Variants in TMEFF1 observed in about 807,000 individuals in gnomAD.
The protein encoded by TMEFF1 is tomoregulin-1.
In TMEFF1, 20 loss-of-function variants were observed where a neutral mutation model predicts 47.5. That is an observed-to-expected ratio of 0.42 (90% CI 0.30 to 0.61). The LOEUF (loss-of-function observed/expected upper bound fraction) is 0.61. Ranked by LOEUF, TMEFF1 falls within the 20% of genes least tolerant of loss-of-function variation. The pLI is 0.19. For missense variants in TMEFF1, 411 were observed against 471.1 expected (o/e 0.87, Z 1.18); for synonymous variants, 162 against 166.3 (o/e 0.97, Z 0.20).
chr9:100,547,701 A>AT, intron 5 of TMEFF1, 43 bp from the exon 6 acceptor site: 1 of 1,428,180 alleles, frequency 7.0e-7, no homozygotes. Context: ...ATTGTGAAAT[A>AT]TTTTTGTTGT....
intron 5 of TMEFF1, among the ~76,000 whole-genome samples, chr9:100,535,241 A>C (rs1350684955): frequency 6.6e-6 from 1 of 151,708 alleles, no homozygotes; most frequent in Non-Finnish European, 1.5e-5. Flanking sequence ...ATTTTTCATT[A>C]CTTCTTCATT....
intron 8 of TMEFF1, among the ~76,000 whole-genome samples, chr9:100,568,303 GT>G (rs1839163742): frequency 6.6e-6 from 1 of 152,152 alleles, no homozygotes; most frequent in Non-Finnish European, 1.5e-5. Context: ...TTATGGAACT[GT>G]TTTTATATTA....
intron 4 of TMEFF1, among the ~76,000 whole-genome samples, chr9:100,515,078 A>G (rs970749900): frequency 1.5e-4 from 23 of 152,110 alleles, no homozygotes; most frequent in African/African-American, 5.6e-4. Flanking sequence ...AAGCGGGAGG[A>G]TTGCTTGAGC....
chr9:100,479,059 G>T (rs570966632), intron 1 of TMEFF1, among the ~76,000 whole-genome samples: 1 of 152,318 alleles, frequency 6.6e-6, no homozygotes, highest in Non-Finnish European at 1.5e-5. Flanking sequence ...TGCCTTATTT[G>T]TGGCAATTCA....
rs774991907 is a variant in TMEFF1 at position 100,572,556 on chromosome 9, C to T, written c.938C>T (p.Thr313Ile). The T allele has an allele frequency of 6.2e-7, 1 of 1,612,906 alleles. No individual in the cohort carries two copies. Among genetic ancestry groups the T allele is most frequent in the Non-Finnish European group, 8.5e-7 (1 of 1,179,440 alleles). ...SGYTGQHCEKTDFSILYVVPS... is the reference protein window; with the variant it reads ...SGYTGQHCEKIDFSILYVVPS... ...TACACTGGACAGCACTGTGAAAAGA[C>T]AGACTTTAGTATTCTCTATGTAGTG... is the stretch of plus-strand genomic sequence containing the variant. Residue 313 changes from threonine to isoleucine, a missense_variant, in exon 9 of 10, where the codon ACA (threonine) becomes ATA (isoleucine). Transcript: ENST00000374879.
intron 9 of TMEFF1, among the ~76,000 whole-genome samples, chr9:100,575,560 A>G (rs1179271169): frequency 6.6e-6 from 1 of 152,198 alleles, no homozygotes; most frequent in Non-Finnish European, 1.5e-5. Context: ...AAAACCATAT[A>G]CAAAATGGAA....
rs1033398846 is a variant in TMEFF1, at chr9:100,473,286, C to A, written c.-259C>A. ...CCGCTCCCCTCGCCGCGGTGTCCCC[C>A]ACGCCGGCTCGCACCCTCGCGCGCA... On this transcript the variant is annotated 5_prime_UTR_variant, in exon 1 of 10. Coordinates refer to ENST00000374879, the MANE Select transcript of TMEFF1 (RefSeq NM_003692.5). This position sits in a 1 kb window ranked among gnomAD's most constrained non-coding sequence, Gnocchi z 5.4. 2.0e-5 allele frequency: 3 copies of A among 152,394 alleles called. No homozygotes were observed. The highest frequency in any genetic ancestry group is 1.8e-4 in the South Asian group (1 of 5,588). The allele number at this position is 152,394 out of a possible 1,614,324, so 9.4% of individuals were successfully genotyped here.
chr9:100,541,702 A>G (rs1001213973), intron 5 of TMEFF1, among the ~76,000 whole-genome samples: 1 of 152,086 alleles, frequency 6.6e-6, no homozygotes, highest in South Asian at 2.1e-4. Flanking sequence ...TATTGTGGTT[A>G]TATCAGTTTT....
intron 1 of TMEFF1, among the ~76,000 whole-genome samples, chr9:100,493,653 T>G (rs1169704572): frequency 2.0e-5 from 3 of 152,224 alleles, no homozygotes; most frequent in Admixed American, 2.0e-4. Flanking sequence ...AACATTTCTA[T>G]TTGGAGAATT....
Position 100,527,143 on chromosome 9 carries a change from A to AC in TMEFF1, c.560+10372_560+10373insC, listed in dbSNP as rs568411485. 2.0e-3 allele frequency among the ~76,000 whole-genome samples: 280 copies of AC among 142,188 alleles called. 2 individuals carry two copies. The highest frequency in any genetic ancestry group is 7.0e-3 in the African/African-American group (270 of 38,586). The allele number at this position is 142,188 out of a possible 152,430, so 93.3% of individuals were successfully genotyped here. On this transcript the variant is annotated intron_variant, in intron 5 of 9. Transcript: ENST00000374879. ...GGGCGACAGAGTGAAACTCTGTCTT[A>AC]AAAAAAAAAAACAAAACTACCTACT...
At chr9:100,478,814 T>C (rs918271542) in intron 1 of TMEFF1, among the ~76,000 whole-genome samples, 1 of 152,218 alleles carries the variant, frequency 6.6e-6, no homozygotes, top group Non-Finnish European at 1.5e-5. Context: ...ATGGTCCTTT[T>C]TGGCTCTGGG....
intron 1 of TMEFF1, among the ~76,000 whole-genome samples, chr9:100,477,682 G>C (rs1837261117): frequency 7.1e-6 from 1 of 140,028 alleles, no homozygotes; most frequent in Non-Finnish European, 1.5e-5. Context: ...CTGGAGTGCA[G>C]TGGCATGATC....
At position 100,480,946 on chromosome 9, in the gene TMEFF1, C is replaced by T. The variant is rs149306553; in HGVS notation, c.196+7206C>T. Among the ~76,000 whole-genome samples the T allele has an allele frequency of 2.3e-3, 354 of 152,258 alleles. 2 individuals are homozygous for T. The highest frequency in any genetic ancestry group is 8.1e-3 in the African/African-American group (337 of 41,534). ...GATTTGTAGGAATCAAAACTGGTTT[C>T]ATGGAGTAAGTGGCACTCAAGCTGG... On this transcript the variant is annotated intron_variant, in intron 1 of 9. Coordinates refer to ENST00000374879, the MANE Select transcript of TMEFF1 (RefSeq NM_003692.5).
intron 5 of TMEFF1, among the ~76,000 whole-genome samples, chr9:100,538,062 A>ATTTTTT (rs879548790): frequency 1.4e-5 from 2 of 147,994 alleles, no homozygotes; most frequent in African/African-American, 4.9e-5. Flanking sequence ...AAGAAACAGA[A>ATTTTTT]TTTTTTTTTT....
intron 5 of TMEFF1, among the ~76,000 whole-genome samples, chr9:100,535,390 A>T (rs1291617623): frequency 6.6e-6 from 1 of 152,204 alleles, no homozygotes; most frequent in Non-Finnish European, 1.5e-5. Flanking sequence ...TTGGGGGCAT[A>T]TTGAAAGGAA....
At position 100,473,775 on chromosome 9, in the gene TMEFF1, A is replaced by C; in HGVS notation, c.196+35A>C. 1 of 1,433,732 alleles carries C rather than the reference A, an allele frequency of 7.0e-7. No homozygotes were observed. The highest frequency in any genetic ancestry group is 2.3e-4 in the Middle Eastern group (1 of 4,314). The allele number at this position is 1,433,732 out of a possible 1,614,324, so 88.8% of individuals were successfully genotyped here. On this transcript the variant is annotated intron_variant, in intron 1 of 9. Coordinates refer to ENST00000374879, the MANE Select transcript of TMEFF1 (RefSeq NM_003692.5). This position sits in a 1 kb window ranked among gnomAD's most constrained non-coding sequence, Gnocchi z 5.4. ...GTCGGAGCCGGCCCTAGGTCTTCCC[A>C]CCCCTCCGTTGCCGCCTCCCTCGTG...
intron 5 of TMEFF1, among the ~76,000 whole-genome samples, chr9:100,526,518 T>C (rs879319760): frequency 1.3e-5 from 2 of 152,160 alleles, no homozygotes; most frequent in Non-Finnish European, 2.9e-5. Flanking sequence ...TCATTTCTGC[T>C]GCAATTTTTA....
chr9:100,531,527 CAAGGGATGTG>C (rs1313440171), intron 5 of TMEFF1, among the ~76,000 whole-genome samples: 2 of 152,088 alleles, frequency 1.3e-5, no homozygotes, highest in Admixed American at 1.3e-4. Context: ...ATCCAACTTA[CAAGGGATGTG>C]AAGGACCTCT....
Position 100,484,442 on chromosome 9 carries a change from T to A in TMEFF1, c.196+10702T>A, listed in dbSNP as rs746099185. Among the ~76,000 whole-genome samples the A allele has an allele frequency of 6.6e-5, 10 of 151,882 alleles. No individual in the cohort carries two copies. In the South Asian group the frequency reaches 8.3e-4, roughly 13 times the overall value. On this transcript the variant is annotated intron_variant, in intron 1 of 9. Coordinates refer to ENST00000374879, the MANE Select transcript of TMEFF1 (RefSeq NM_003692.5). ...AAGCGATTCTCCCTGCCTCAGACTC[T>A]CGAATAGCTGGGATTATAAGCGCCC...
Sources: gnomAD v4.1 joint callset for allele counts (sites outside exome capture counted in the v4.1 genomes callset) on GRCh38, gnomAD v4.1.1 for gene constraint, Gnocchi (gnomAD v3.1) non-coding constraint, MANE v1.5 for transcripts, NCBI Gene and HGNC (gene_info 2026-07-23, HGNC 2026-07-21) for gene names.